The following GOPC variants were observed in gnomAD, a reference collection of about 807,000 sequenced individuals.
GOPC encodes Golgi-associated PDZ and coiled-coil motif-containing protein.
Under a neutral mutation model 51.2 loss-of-function variants are expected in GOPC, and 32 were observed. The observed-to-expected ratio is 0.63, with a 90% CI of 0.47 to 0.84. The LOEUF (loss-of-function observed/expected upper bound fraction) is 0.84, where lower values mean the gene tolerates loss of function less well. GOPC is among the 40% of genes least tolerant of loss of function. GOPC has a pLI of 0.00. For missense variants in GOPC, 441 were observed against 555.5 expected (o/e 0.79, Z 2.07); for synonymous variants, 190 against 205.1 (o/e 0.93, Z 0.63).
intron 8 of GOPC, 36 bp from the exon 9 acceptor site, chr6:117,563,420 T>C: frequency 3.1e-6 from 5 of 1,608,586 alleles, no homozygotes; most frequent in Non-Finnish European, 3.4e-6. Context: ...AGACACTTTC[T>C]GGTTTAAAAA....
At position 117,573,589 on chromosome 6, in the gene GOPC, C is replaced by T. The variant is rs770665040; in HGVS notation, c.694G>A (p.Ala232Thr). The T allele has an allele frequency of 1.9e-6, 3 of 1,613,890 alleles. No individual in the cohort carries two copies. Among genetic ancestry groups the T allele is most frequent in the Non-Finnish European group, 2.5e-6 (3 of 1,179,906 alleles). Reference protein sequence around the residue: ...QLLGRDMKGPAHDKLWNQLEA... With the variant: ...QLLGRDMKGPTHDKLWNQLEA... ...AATTGGTTCCAAAGCTTATCATGAG[C>T]AGGTCCCTTCATATCTCGTCCTAGC... is the stretch of plus-strand genomic sequence containing the variant. The change falls in exon 5 of 9, where the codon GCT becomes ACT. Residue 232 changes from alanine (A) to threonine (T), a missense_variant. Physicochemically the swap from Ala to Thr is moderately conservative, Grantham distance 58. Coordinates refer to ENST00000368498, the MANE Select transcript of GOPC (RefSeq NM_020399.4).
At chr6:117,580,388 T>C (rs977954435) in intron 1 of GOPC, among the ~76,000 whole-genome samples, 2 of 152,080 alleles carry the variant, frequency 1.3e-5, no homozygotes, top group Admixed American at 1.3e-4. Context: ...CTCATAAGAT[T>C]ATTAATCTTA....
intron 1 of GOPC, among the ~76,000 whole-genome samples, chr6:117,600,948 GGA>G (rs564436424): frequency 1.9e-3 from 288 of 152,302 alleles, no homozygotes; most frequent in African/African-American, 6.5e-3. Flanking sequence ...ATGGCTAATA[GGA>G]GAGAAAGAAT....
intron 1 of GOPC, among the ~76,000 whole-genome samples, chr6:117,587,186 T>C (rs1780045077): frequency 6.6e-6 from 1 of 152,186 alleles, no homozygotes; most frequent in African/African-American, 2.4e-5. Flanking sequence ...CTCTATTTTT[T>C]TTCCATCCAA....
At chr6:117,591,617 A>T (rs1780118255) in intron 1 of GOPC, among the ~76,000 whole-genome samples, 1 of 152,220 alleles carries the variant, frequency 6.6e-6, no homozygotes, top group African/African-American at 2.4e-5. Context: ...CAAAGGGTAT[A>T]GAGAAGGCAT....
chr6:117,575,119 C>T (rs1779861544), intron 4 of GOPC, 58 bp downstream of exon 4: 3 of 1,285,968 alleles, frequency 2.3e-6, no homozygotes, highest in East Asian at 4.7e-5. Context: ...TAAGAGTCAA[C>T]CTCATTAAAT....
chr6:117,564,702 A>G (rs1348387615), intron 8 of GOPC, among the ~76,000 whole-genome samples: 1 of 152,194 alleles, frequency 6.6e-6, no homozygotes, highest in African/African-American at 2.4e-5. Flanking sequence ...GAAGACTTCT[A>G]GCCTCAGTTA....
At chr6:117,572,717 A>T (rs937351142) in intron 5 of GOPC, among the ~76,000 whole-genome samples, 3 of 152,178 alleles carry the variant, frequency 2.0e-5, no homozygotes, top group African/African-American at 7.2e-5. Flanking sequence ...GGGAACCACC[A>T]GTGCCCTAGA....
intron 1 of GOPC, among the ~76,000 whole-genome samples, chr6:117,586,475 C>CTTTTTTTTTTTTTT (rs869148559): frequency 3.3e-5 from 3 of 91,930 alleles, no homozygotes; most frequent in African/African-American, 8.1e-5. Flanking sequence ...CACAGAGATT[C>CTTTTTTTTTTTTTT]TTTTTTTTTT....
intron 3 of GOPC, chr6:117,575,654 A>G: frequency 6.4e-6 from 3 of 470,642 alleles, no homozygotes; most frequent in South Asian, 5.9e-5. Context: ...TGAATCTGCT[A>G]TTTACTTCTA....
chr6:117,584,614 C>T (rs1161418010), intron 1 of GOPC, among the ~76,000 whole-genome samples: 1 of 152,098 alleles, frequency 6.6e-6, no homozygotes, highest in Non-Finnish European at 1.5e-5. Flanking sequence ...TCCATGTGTT[C>T]ATCTATCCAG....
chr6:117,598,376 A>G (rs924346130), intron 1 of GOPC, among the ~76,000 whole-genome samples: 2 of 152,150 alleles, frequency 1.3e-5, no homozygotes, highest in South Asian at 4.1e-4. Context: ...CTGTCTCAAA[A>G]AAAGAAAAAA....
chr6:117,586,672 G>A (rs186213221), intron 1 of GOPC, among the ~76,000 whole-genome samples: 139 of 151,714 alleles, frequency 9.2e-4, no homozygotes, highest in African/African-American at 3.1e-3. Flanking sequence ...TAGTAGAGAC[G>A]GGGTTTCACT....
intron 4 of GOPC, 53 bp downstream of exon 4, chr6:117,575,124 T>A: frequency 7.5e-7 from 1 of 1,330,660 alleles, no homozygotes; most frequent in Non-Finnish European, 1.0e-6. Flanking sequence ...GTCAACCTCA[T>A]TAAATATCCA....
At position 117,563,489 on chromosome 6, in the gene GOPC, A is replaced by C. The variant is rs1040581042; in HGVS notation, c.1259-105T>G. 7.8e-6 allele frequency: 8 copies of C among 1,027,494 alleles called. No individual in the cohort carries two copies. The Admixed American group carries it at 1.4e-4, about 17-fold the overall frequency. 63.6% of individuals were successfully genotyped at this position (1,027,494 alleles called of 1,614,324 possible). On this transcript the variant is annotated intron_variant, in intron 8 of 8. Coordinates refer to ENST00000368498, the MANE Select transcript of GOPC (RefSeq NM_020399.4). The stretch of plus-strand genomic sequence containing the variant: ...GTAATCCCAGCACTTTGAGAGGCCA[A>C]GGTGGGTGGATAACCTGAGGTTAGG...
intron 1 of GOPC, among the ~76,000 whole-genome samples, chr6:117,584,803 C>T (rs996047382): frequency 6.6e-6 from 1 of 151,824 alleles, no homozygotes; most frequent in African/African-American, 2.4e-5. Context: ...AATGGTTTAG[C>T]ACCATCCCCT....
intron 1 of GOPC, among the ~76,000 whole-genome samples, chr6:117,590,588 A>T (rs1222777173): frequency 6.6e-6 from 1 of 151,664 alleles, no homozygotes; most frequent in East Asian, 1.9e-4. Context: ...AAAAAAAAAA[A>T]AAAAAGATAA....
chr6:117,588,167 T>G (rs2114622690), intron 1 of GOPC, among the ~76,000 whole-genome samples: 1 of 152,252 alleles, frequency 6.6e-6, no homozygotes, highest in African/African-American at 2.4e-5. Flanking sequence ...TATAAAGAAA[T>G]ACCTGGGACT....
At chr6:117,563,414 A>G (rs755136889) in intron 8 of GOPC, 30 bp from the exon 9 acceptor site, 94 of 1,609,560 alleles carry the variant, frequency 5.8e-5, no homozygotes, top group Non-Finnish European at 7.9e-5. Flanking sequence ...AAAAGCAGAC[A>G]CTTTCTGGTT....
Sources: allele counts gnomAD v4.1 joint callset (sites outside exome capture counted in the v4.1 genomes callset), GRCh38; gene constraint gnomAD v4.1.1; transcripts MANE v1.5; gene names NCBI Gene and HGNC (gene_info 2026-07-23, HGNC 2026-07-21).